Variants in SLC35E2B observed in about 807,000 individuals in gnomAD.
SLC35E2B encodes solute carrier family 35 member E2B, also known as solute carrier family 35, member E2B.
In SLC35E2B, 18 loss-of-function variants were observed where a neutral mutation model predicts 32.4. The observed-to-expected ratio is 0.56, with a 90% CI of 0.38 to 0.82. SLC35E2B has a LOEUF of 0.82. Among genes scored for constraint, SLC35E2B ranks in the 40% least tolerant of loss-of-function variants. SLC35E2B has a pLI of 0.00. For missense variants in SLC35E2B, 263 were observed against 469.5 expected (o/e 0.56, Z 4.06); for synonymous variants, 132 against 209.1 (o/e 0.63, Z 3.18).
intron 2 of SLC35E2B, among the ~76,000 whole-genome samples, chr1:1,688,757 C>T (rs1381520890): frequency 1.3e-5 from 2 of 152,100 alleles, no homozygotes; most frequent in Non-Finnish European, 2.9e-5. Flanking sequence ...AAGACAAACA[C>T]GTCCTGCAAG....
chr1:1,692,369 C>T (rs1332097935), intron 1 of SLC35E2B, 80 bp downstream of exon 1: 1 of 962,168 alleles, frequency 1.0e-6, no homozygotes, highest in African/African-American at 2.6e-5. Flanking sequence ...AGTACCGGCA[C>T]CCAGCACCCA....
intron 8 of SLC35E2B, among the ~76,000 whole-genome samples, chr1:1,668,716 A>G (rs1367351951): frequency 3.3e-5 from 5 of 152,146 alleles, no homozygotes; most frequent in African/African-American, 1.2e-4. Flanking sequence ...CAAATGGACA[A>G]CAAGCACATG....
chr1:1,671,750 A>G, intron 5 of SLC35E2B, 121 bp from the exon 6 acceptor site: 2 of 1,071,842 alleles, frequency 1.9e-6, no homozygotes, highest in Admixed American at 3.7e-5. Context: ...TTCAAAAACA[A>G]TACTTGTCAG....
Position 1,692,627 on chromosome 1 carries a change from G to C in SLC35E2B, c.-744C>G, listed in dbSNP as rs1388157379. 1 of 982,560 alleles carries C rather than the reference G, an allele frequency of 1.0e-6. No individual in the cohort carries two copies. The highest frequency in any genetic ancestry group is 6.2e-5 in the Admixed American group (1 of 16,246). The allele number at this position is 982,560 out of a possible 1,614,324, so 60.9% of individuals were successfully genotyped here. On this transcript the variant is annotated 5_prime_UTR_variant, in exon 1 of 10. Transcript: ENST00000617444. ...GCACAGCGCTGGCGGATCCAGGTGG[G>C]CTTCACGGGGCGCCCGCGGGACCGG... is the stretch of plus-strand genomic sequence containing the variant.
chr1:1,679,799 C>T (rs1570337361), intron 2 of SLC35E2B, among the ~76,000 whole-genome samples: 2 of 142,744 alleles, frequency 1.4e-5, no homozygotes, highest in Admixed American at 1.4e-4. Flanking sequence ...GCCATTGCAC[C>T]CCAGCCTGAG....
At chr1:1,678,148 C>T (rs1000983408) in intron 2 of SLC35E2B, among the ~76,000 whole-genome samples, 1 of 152,176 alleles carries the variant, frequency 6.6e-6, no homozygotes, top group African/African-American at 2.4e-5. Flanking sequence ...CTCCTCGTCT[C>T]ACTTCTCCCC....
At chr1:1,687,952 C>G (rs1032408102) in intron 2 of SLC35E2B, among the ~76,000 whole-genome samples, 3 of 152,014 alleles carry the variant, frequency 2.0e-5, no homozygotes, top group Non-Finnish European at 4.4e-5. Context: ...ACAAAGCCAA[C>G]CAGGCTTCTT....
At chr1:1,677,478 C>CT (rs533023320) in intron 2 of SLC35E2B, among the ~76,000 whole-genome samples, 1,856 of 135,784 alleles carry the variant, frequency 0.014, 34 homozygotes, top group East Asian at 0.051. Context: ...TTTCTTTTTC[C>CT]TTTTTTTTTT....
intron 9 of SLC35E2B, among the ~76,000 whole-genome samples, chr1:1,667,652 G>A (rs1269988866): frequency 4.6e-5 from 7 of 152,122 alleles, no homozygotes; most frequent in South Asian, 2.1e-4. Context: ...GAAGCTGTAT[G>A]TGGCCAGTGG....
chr1:1,690,758 C>A lies in SLC35E2B; in HGVS notation c.-148+218G>T, dbSNP rs1487314588. 2.2e-3 allele frequency among the ~76,000 whole-genome samples: 111 copies of A among 51,404 alleles called. 3 individuals carry two copies. The highest frequency in any genetic ancestry group is 0.011 in the African/African-American group (102 of 8,880). The allele number at this position is 51,404 out of a possible 152,430, so 33.7% of individuals were successfully genotyped here. ...TCAAAAAGTAAAGAAAAAAAAAAAACAAAACAACATATTTCACAGAGAAGA... is the reference window on the plus strand; with the variant it reads ...TCAAAAAGTAAAGAAAAAAAAAAAAAAAAACAACATATTTCACAGAGAAGA... On this transcript the variant is annotated intron_variant, in intron 2 of 9. Transcript: ENST00000617444.
At chr1:1,669,181 G>A (rs1643620786) in intron 8 of SLC35E2B, among the ~76,000 whole-genome samples, 1 of 151,676 alleles carries the variant, frequency 6.6e-6, no homozygotes, top group Non-Finnish European at 1.5e-5. Context: ...ACTTGAAACT[G>A]CATCTCACAC....
At chr1:1,674,215 G>A (rs1361730358) in intron 5 of SLC35E2B, 2 of 158,618 alleles carry the variant, frequency 1.3e-5, no homozygotes, top group Non-Finnish European at 2.9e-5. Flanking sequence ...AATCCTCGAG[G>A]ACTCGGTCTT....
intron 2 of SLC35E2B, among the ~76,000 whole-genome samples, chr1:1,678,463 C>A (rs546022182): frequency 1.3e-5 from 2 of 152,054 alleles, no homozygotes; most frequent in Non-Finnish European, 2.9e-5. Context: ...TCCCCTCCCC[C>A]TGCTGTGTGT....
At position 1,663,316 on chromosome 1, in the gene SLC35E2B, G is replaced by A; in HGVS notation, c.*2466C>T. 1.0e-6 allele frequency: 1 copy of A among 981,044 alleles called. No homozygotes were observed. The highest frequency in any genetic ancestry group is 1.2e-6 in the Non-Finnish European group (1 of 826,964). The allele number at this position is 981,044 out of a possible 1,614,324, so 60.8% of individuals were successfully genotyped here. On this transcript the variant is annotated 3_prime_UTR_variant, in exon 10 of 10. Transcript: ENST00000617444. ...GCGGCTGGAAATTCCAAGGTGCTCAGAACCAGGCGCCTGCACCTCTCCTTA... is the reference window on the plus strand; with the variant it reads ...GCGGCTGGAAATTCCAAGGTGCTCAAAACCAGGCGCCTGCACCTCTCCTTA...
chr1:1,665,742 C>T lies in SLC35E2B; in HGVS notation c.*40G>A. ...CGTCCCTGCCCATTTCTGGGGGATG[C>T]AGTGTCACGAGGACAGCAGCAGCTG... On this transcript the variant is annotated 3_prime_UTR_variant, in exon 10 of 10. Transcript: ENST00000617444. 3.2e-6 allele frequency: 5 copies of T among 1,541,968 alleles called. No homozygotes were observed. Among genetic ancestry groups the T allele is most frequent in the South Asian group, 1.2e-5 (1 of 83,734 alleles).
chr1:1,679,556 GT>G (rs1330927089), intron 2 of SLC35E2B, among the ~76,000 whole-genome samples: 1 of 152,060 alleles, frequency 6.6e-6, no homozygotes, highest in Non-Finnish European at 1.5e-5. Flanking sequence ...GCCAGGCGCC[GT>G]GGCTCACACC....
chr1:1,673,647 G>A (rs1643762897), intron 5 of SLC35E2B, among the ~76,000 whole-genome samples: 1 of 151,548 alleles, frequency 6.6e-6, no homozygotes, highest in African/African-American at 2.4e-5. Context: ...TCCAGCCTGG[G>A]CAACAAAGCG....
intron 6 of SLC35E2B, chr1:1,670,423 A>AT (rs34950577): frequency 0.011 from 2,295 of 211,890 alleles, 3 homozygotes; most frequent in South Asian, 0.025. Flanking sequence ...CGCCCAACAG[A>AT]TTTTTTTTTT....
In SLC35E2B at chr1:1,665,433, C is replaced by T. The variant is rs991700471; in HGVS notation, c.*349G>A. The stretch of plus-strand genomic sequence containing the variant: ...CTTGGCTGTGGCAGGGAGCGGCTCT[C>T]GTTGGCACTGGACCCACCTCTGGCT... On this transcript the variant is annotated 3_prime_UTR_variant, in exon 10 of 10. Transcript: ENST00000617444. 5 of 484,616 alleles carry T rather than the reference C, an allele frequency of 1.0e-5. No individual in the cohort carries two copies. The highest frequency in any genetic ancestry group is 3.9e-5 in the African/African-American group (2 of 50,696). The allele number at this position is 484,616 out of a possible 1,614,324, so 30.0% of individuals were successfully genotyped here.
Sources: gnomAD v4.1 joint callset for allele counts (sites outside exome capture counted in the v4.1 genomes callset) on GRCh38, gnomAD v4.1.1 for gene constraint, MANE v1.5 for transcripts, NCBI Gene and HGNC (gene_info 2026-07-23, HGNC 2026-07-21) for gene names.